FHIT: variants seen among roughly 807,000 people sequenced by gnomAD.
The protein encoded by FHIT is fragile histidine triad diadenosine triphosphatase.
In FHIT, 19 loss-of-function variants were observed where a neutral mutation model predicts 17.9. The observed-to-expected ratio is 1.06, with a 90% CI of 0.74 to 1.56. FHIT has a LOEUF of 1.56. FHIT is among the 40% of genes most tolerant of loss of function. The pLI, the probability that FHIT is intolerant of heterozygous loss-of-function variation, is 0.00. For synonymous variants in FHIT, 81 were observed against 69.7 expected (o/e 1.16, Z -0.81); for missense variants, 248 against 189.2 (o/e 1.31, Z -1.82).
At chr3:59,861,831 T>C (rs1274800741) in intron 8 of FHIT, among the ~76,000 whole-genome samples, 1 of 152,120 alleles carries the variant, frequency 6.6e-6, no homozygotes, top group Non-Finnish European at 1.5e-5. Context: ...GAAGAAATTA[T>C]GAACTAGAAG....
At chr3:60,171,133 T>C (rs1367699148) in intron 5 of FHIT, among the ~76,000 whole-genome samples, 2 of 152,220 alleles carry the variant, frequency 1.3e-5, no homozygotes. Context: ...AATTTAACTT[T>C]ATCTTGCTTT....
chr3:60,339,343 T>A (rs945400260), intron 5 of FHIT, among the ~76,000 whole-genome samples: 1 of 152,172 alleles, frequency 6.6e-6, no homozygotes, highest in Non-Finnish European at 1.5e-5. Flanking sequence ...CATATCTGAA[T>A]CCATATCTGA....
At chr3:60,881,711 T>C (rs1553758013) in intron 3 of FHIT, among the ~76,000 whole-genome samples, 1 of 151,950 alleles carries the variant, frequency 6.6e-6, no homozygotes, top group African/African-American at 2.4e-5. Context: ...TTTAAAAATT[T>C]ATGAAAATGG....
intron 5 of FHIT, among the ~76,000 whole-genome samples, chr3:60,488,348 C>T (rs1195124325): frequency 2.0e-5 from 3 of 152,140 alleles, no homozygotes; most frequent in Non-Finnish European, 4.4e-5. Context: ...TGTTTACCTT[C>T]GATTCTGAAG....
At chr3:60,137,050 C>A (rs753279788) in intron 5 of FHIT, among the ~76,000 whole-genome samples, 4 of 152,116 alleles carry the variant, frequency 2.6e-5, no homozygotes, top group Non-Finnish European at 5.9e-5. Flanking sequence ...TCCAAGGAGC[C>A]GTATTATTCA....
chr3:61,194,423 C>T (rs1284359169), intron 2 of FHIT, among the ~76,000 whole-genome samples: 2 of 151,842 alleles, frequency 1.3e-5, no homozygotes, highest in East Asian at 1.9e-4. Flanking sequence ...TTCTAAGACC[C>T]GACACCACTA....
intron 8 of FHIT, among the ~76,000 whole-genome samples, chr3:59,908,046 G>A (rs1260591166): frequency 6.6e-6 from 1 of 151,922 alleles, no homozygotes; most frequent in Non-Finnish European, 1.5e-5. Context: ...TTATCTTAAA[G>A]TTGGCTGACT....
At chr3:60,165,641 A>G (rs975214832) in intron 5 of FHIT, among the ~76,000 whole-genome samples, 3 of 152,168 alleles carry the variant, frequency 2.0e-5, no homozygotes, top group Admixed American at 1.3e-4. Flanking sequence ...TTATAAAGAT[A>G]CCTATCTTTG....
chr3:60,363,572 T>C (rs965033), intron 5 of FHIT, among the ~76,000 whole-genome samples: 65,237 of 151,862 alleles, frequency 0.43, 14,134 homozygotes, highest in Admixed American at 0.53. Flanking sequence ...GGTTACATCA[T>C]TTTTCCAAGG....
At chr3:60,417,425 C>A (rs1007212041) in intron 5 of FHIT, among the ~76,000 whole-genome samples, 2 of 152,102 alleles carry the variant, frequency 1.3e-5, no homozygotes, top group Non-Finnish European at 2.9e-5. Context: ...ACAGTGGGTC[C>A]ATTTGCTGAG....
chr3:59,983,347 A>C (rs1164918336), intron 7 of FHIT, among the ~76,000 whole-genome samples: 1 of 152,152 alleles, frequency 6.6e-6, no homozygotes, highest in Non-Finnish European at 1.5e-5. Flanking sequence ...TCCTATTGGC[A>C]GTTTTACTTT....
intron 8 of FHIT, among the ~76,000 whole-genome samples, chr3:59,920,934 C>T (rs1042182435): frequency 6.6e-6 from 1 of 152,152 alleles, no homozygotes; most frequent in Admixed American, 6.5e-5. Flanking sequence ...ATCAGAGTCT[C>T]CTGGGGATTT....
At chr3:60,123,976 AT>A (rs1705383711) in intron 5 of FHIT, among the ~76,000 whole-genome samples, 1 of 20,950 alleles carries the variant, frequency 4.8e-5, no homozygotes, top group East Asian at 1.4e-3. Flanking sequence ...AAATATATAT[AT>A]ATATATATAT....
intron 5 of FHIT, among the ~76,000 whole-genome samples, chr3:60,477,192 C>G (rs191901067): frequency 1.3e-5 from 2 of 150,990 alleles, no homozygotes; most frequent in African/African-American, 4.9e-5. Context: ...TACCTGAGGT[C>G]TTCAAAATGG....
At chr3:60,204,779 G>A (rs1029844597) in intron 5 of FHIT, among the ~76,000 whole-genome samples, 3 of 152,062 alleles carry the variant, frequency 2.0e-5, no homozygotes, top group Non-Finnish European at 4.4e-5. Context: ...CTGATACATG[G>A]TAGATTAAAA....
At chr3:60,247,801 A>G (rs1705479573) in intron 5 of FHIT, among the ~76,000 whole-genome samples, 1 of 152,110 alleles carries the variant, frequency 6.6e-6, no homozygotes, top group African/African-American at 2.4e-5. Flanking sequence ...TCACATATCT[A>G]CTTCACTGAG....
chr3:59,831,115 G>T (rs536755633), intron 8 of FHIT, among the ~76,000 whole-genome samples: 1 of 152,140 alleles, frequency 6.6e-6, no homozygotes, highest in African/African-American at 2.4e-5. Context: ...TAGGGTTCTC[G>T]TGAAGATGTG....
At chr3:59,985,651 T>C (rs994424141) in intron 7 of FHIT, among the ~76,000 whole-genome samples, 1 of 152,142 alleles carries the variant, frequency 6.6e-6, no homozygotes, top group African/African-American at 2.4e-5. Context: ...GAGTACTCAA[T>C]TTCACTAAAG....
intron 4 of FHIT, among the ~76,000 whole-genome samples, chr3:60,802,017 T>C (rs1406406921): frequency 6.6e-6 from 1 of 152,210 alleles, no homozygotes; most frequent in East Asian, 1.9e-4. Flanking sequence ...TAGAAACATA[T>C]AATATCCAAC....
Sources: allele counts gnomAD v4.1 joint callset (sites outside exome capture counted in the v4.1 genomes callset), GRCh38; gene constraint gnomAD v4.1.1; transcripts MANE v1.5; gene names NCBI Gene and HGNC (gene_info 2026-07-23, HGNC 2026-07-21).